NPR2: variants seen among roughly 807,000 people sequenced by gnomAD.
The protein encoded by NPR2 is natriuretic peptide receptor 2.
A neutral mutation model predicts 120.7 loss-of-function variants in NPR2; 49 were observed. The ratio of observed to expected loss-of-function variants is 0.41; its 90% CI spans 0.32 to 0.52. The LOEUF is 0.52. Among genes scored for constraint, NPR2 ranks in the 20% least tolerant of loss-of-function variants. NPR2 has a pLI of 0.36. For missense variants in NPR2, 931 were observed against 1,362.9 expected, an observed-to-expected ratio of 0.68 and a Z score of 4.99; for synonymous variants, 484 against 519.8, an observed-to-expected ratio of 0.93 and a Z score of 0.94.
chr9:35,795,538 G>A (rs1447818628), intron 2 of NPR2, among the ~76,000 whole-genome samples: 2 of 152,174 alleles, frequency 1.3e-5, no homozygotes, highest in Non-Finnish European at 2.9e-5. Context: ...GGTTTTATGT[G>A]GCTGTGATTA....
chr9:35,794,022 A>G lies in NPR2; in HGVS notation c.792A>G (p.Ala264=), dbSNP rs1277149392. The G allele has an allele frequency of 6.2e-7, 1 of 1,614,106 alleles. No homozygotes were observed. Among genetic ancestry groups the G allele is most frequent in the South Asian group, 1.1e-5 (1 of 91,088 alleles). ...ATGTCTTTGGGGAGAGTCTCCGTGC[A>G]GGCCCCACACGTGCTACAGGCCGGC... ...YLDVFGESLR[A]GPTRATGRPW... is the part of the protein sequence containing the mutation. Residue 264 remains alanine (A), a synonymous_variant, in exon 2 of 22, where the codon GCA becomes GCG. Coordinates refer to ENST00000342694, the MANE Select transcript of NPR2 (RefSeq NM_003995.4).
In NPR2 at chr9:35,792,928, C is replaced by T. The variant is rs748364573; in HGVS notation, c.520C>T (p.Arg174Cys). The T allele has an allele frequency of 1.2e-6, 2 of 1,614,062 alleles. No homozygotes were observed. The highest frequency in any genetic ancestry group is 1.1e-5 in the South Asian group (1 of 91,078). ...TGCTGCCTTGCTGTACCTGGATGCTCGCACAGATGACCGGCCTCACTACTT... is the reference window on the plus strand; with the variant it reads ...TGCTGCCTTGCTGTACCTGGATGCTTGCACAGATGACCGGCCTCACTACTT... ...ARAALLYLDA[R>C]TDDRPHYFTI... Residue 174 changes from arginine (R) to cysteine (C), a missense_variant, in exon 1 of 22, where the codon CGC (arginine) becomes TGC (cysteine). Physicochemically the swap from Arg to Cys is radical, Grantham distance 180. This residue lies in a region of NPR2 where 681 missense variants were observed against 974.3 expected (regional missense o/e 0.70). Coordinates refer to ENST00000342694, the MANE Select transcript of NPR2 (RefSeq NM_003995.4).
chr9:35,808,358 G>A lies in NPR2; in HGVS notation c.2713-151G>A, dbSNP rs752339133. On this transcript the variant is annotated intron_variant, in intron 18 of 21. Coordinates refer to ENST00000342694, the MANE Select transcript of NPR2 (RefSeq NM_003995.4). The surrounding 1 kb of genome is among the most constrained non-coding windows in gnomAD (Gnocchi z 4.0). ...TTCCCTAGACATCTCCTCTCCCCTA[G>A]ACTCAGGACCATGGCACTTATTTTC... 2 of 1,436,522 alleles carry A rather than the reference G, an allele frequency of 1.4e-6. No homozygotes were observed. Among genetic ancestry groups the A allele is most frequent in the East Asian group, 4.5e-5 (2 of 43,986 alleles). 89.0% of individuals were successfully genotyped at this position (1,436,522 alleles called of 1,614,324 possible).
chr9:35,806,446 C>T lies in NPR2; in HGVS notation c.2427C>T (p.Ala809=). 1 of 1,613,996 alleles carries T rather than the reference C, an allele frequency of 6.2e-7. No individual in the cohort carries two copies. The highest frequency in any genetic ancestry group is 8.5e-7 in the Non-Finnish European group (1 of 1,179,892). Residue 809 remains alanine, a synonymous_variant, in exon 16 of 22, where the codon GCC becomes GCT. Coordinates refer to ENST00000342694, the MANE Select transcript of NPR2 (RefSeq NM_003995.4). This position sits in a 1 kb window ranked among gnomAD's most constrained non-coding sequence, Gnocchi z 4.6. ...DNLLLRMEQY[A]NNLEKLVEER... is the part of the protein sequence containing the mutation. ...TCCTGCTGCGCATGGAACAGTATGC[C>T]AATAACTTGGAGAAGCTGGTGGAGG...
rs779262068 is a variant in NPR2, at chr9:35,807,018, C to T, written c.2520-5C>T. On this transcript the variant is annotated splice_polypyrimidine_tract_variant and splice_region_variant and intron_variant, in intron 16 of 21. Coordinates refer to ENST00000342694, the MANE Select transcript of NPR2 (RefSeq NM_003995.4). ...TTTGGCTCATACGGCACCCTTGCTT[C>T]CTAGTTCAGTGGCAGAGCAGTTAAA... The T allele has an allele frequency of 1.9e-6, 3 of 1,614,148 alleles. No homozygotes were observed. The highest frequency in any genetic ancestry group is 2.2e-5 in the East Asian group (1 of 44,884).
Position 35,809,438 on chromosome 9 carries a change from T to C in NPR2, c.3137T>C (p.Leu1046Pro). ...LLGERKGPPG[L>P]L ...GGAGAGCGGAAAGGACCTCCTGGACTCCTGTAAACCCCCATTCTTTCCAAG... is the reference window on the plus strand; with the variant it reads ...GGAGAGCGGAAAGGACCTCCTGGACCCCTGTAAACCCCCATTCTTTCCAAG... Residue 1046 changes from leucine (L) to proline (P), a missense_variant, in exon 22 of 22, where the codon CTC (leucine) becomes CCC (proline). Physicochemically the swap from Leu to Pro is moderately conservative, Grantham distance 98. This residue lies in a region of NPR2 where 184 missense variants were observed against 328.3 expected (regional missense o/e 0.56). Coordinates refer to ENST00000342694, the MANE Select transcript of NPR2 (RefSeq NM_003995.4). This position sits in a 1 kb window ranked among gnomAD's most constrained non-coding sequence, Gnocchi z 4.1. The C allele has an allele frequency of 6.2e-7, 1 of 1,614,214 alleles. No individual in the cohort carries two copies. The highest frequency in any genetic ancestry group is 2.2e-5 in the East Asian group (1 of 44,890).
intron 2 of NPR2, among the ~76,000 whole-genome samples, 178 bp from the exon 3 acceptor site, chr9:35,799,440 A>ACACACG (rs1828058297): frequency 6.6e-6 from 1 of 151,706 alleles, no homozygotes; most frequent in African/African-American, 2.4e-5. Context: ...ACACACACAC[A>ACACACG]CACACGCACA....
At chr9:35,799,841 C>T in intron 3 of NPR2, 110 bp downstream of exon 3, 1 of 1,366,734 alleles carries the variant, frequency 7.3e-7, no homozygotes, top group Non-Finnish European at 1.0e-6. Context: ...TTTGGGGGGT[C>T]TCCGCTTCTG....
At position 35,800,677 on chromosome 9, in the gene NPR2, G is replaced by C. The variant is rs771703896; in HGVS notation, c.1219-32G>C. On this transcript the variant is annotated intron_variant, in intron 5 of 21. Transcript: ENST00000342694. The surrounding 1 kb of genome is among the most constrained non-coding windows in gnomAD (Gnocchi z 4.7). ...CTGGGGAGGAGGCTGGTGGGAGCAG[G>C]CCTGTGGGCCCAGCTTTTTGCTTCC... is the stretch of plus-strand genomic sequence containing the variant. 5 of 1,614,006 alleles carry C rather than the reference G, an allele frequency of 3.1e-6. No individual in the cohort carries two copies. The highest frequency in any genetic ancestry group is 1.7e-4 in the Middle Eastern group (1 of 5,980).
chr9:35,801,045 C>T (rs1333289565), intron 6 of NPR2, 25 bp from the exon 7 acceptor site: 2 of 1,603,170 alleles, frequency 1.2e-6, no homozygotes, highest in Admixed American at 1.7e-5. Flanking sequence ...CACAGTCTTC[C>T]TCAGGGTCTC....
chr9:35,809,059 G>A lies in NPR2; in HGVS notation c.2987-97G>A. ...TATGCATTGGGAGCTTCCCAGGGAT[G>A]GTTGGTCGGGCACGGTGCTATACAG... On this transcript the variant is annotated intron_variant, in intron 20 of 21. Coordinates refer to ENST00000342694, the MANE Select transcript of NPR2 (RefSeq NM_003995.4). This position sits in a 1 kb window ranked among gnomAD's most constrained non-coding sequence, Gnocchi z 4.1. 1 of 1,218,872 alleles carries A rather than the reference G, an allele frequency of 8.2e-7. No individual in the cohort carries two copies. The highest frequency in any genetic ancestry group is 1.2e-5 in the South Asian group (1 of 83,126). 75.5% of individuals were successfully genotyped at this position (1,218,872 alleles called of 1,614,324 possible). A position where few individuals can be genotyped will look rare whatever the true frequency, so the allele number is the denominator to read the frequency against.
chr9:35,801,785 T>C, intron 8 of NPR2, 22 bp downstream of exon 8: 1 of 1,614,160 alleles, frequency 6.2e-7, no homozygotes, highest in East Asian at 2.2e-5. Flanking sequence ...TCTCAGCTGT[T>C]CCTCTGCCTC....
At position 35,806,788 on chromosome 9, in the gene NPR2, C is replaced by T. The variant is rs1326181332; in HGVS notation, c.2520-235C>T. 1.3e-5 allele frequency among the ~76,000 whole-genome samples: 2 copies of T among 152,348 alleles called. No homozygotes were observed. Among genetic ancestry groups the T allele is most frequent in the East Asian group, 1.9e-4 (1 of 5,180 alleles). On this transcript the variant is annotated intron_variant, in intron 16 of 21. Transcript: ENST00000342694. The surrounding 1 kb of genome is among the most constrained non-coding windows in gnomAD (Gnocchi z 4.6). ...CTTGCTTCAGCAAGTGTATGTAAAA[C>T]AGTCCCAACTTGAGACAGCTCCCAT...
rs545653281 is a variant in NPR2, at chr9:35,798,276, T to C, written c.874-1342T>C. ...TTTACATTGCTTGTCAACAATATTC[T>C]ACCTCTTTATTTTATTCTTGGAACA... On this transcript the variant is annotated intron_variant, in intron 2 of 21. Coordinates refer to ENST00000342694, the MANE Select transcript of NPR2 (RefSeq NM_003995.4). Among the ~76,000 whole-genome samples, 3 of 152,352 alleles carry C rather than the reference T, an allele frequency of 2.0e-5. No individual in the cohort carries two copies. In the South Asian group the frequency reaches 6.2e-4, roughly 32 times the overall value.
intron 2 of NPR2, among the ~76,000 whole-genome samples, chr9:35,795,226 G>A (rs2132070732): frequency 6.6e-6 from 1 of 152,204 alleles, no homozygotes; most frequent in South Asian, 2.1e-4. Flanking sequence ...CCCAACCCCA[G>A]GGCCTTCCTG....
rs1277940364 is a variant in NPR2, at chr9:35,805,629, G to A, written c.2006G>A (p.Arg669Gln). 2 of 1,614,026 alleles carry A rather than the reference G, an allele frequency of 1.2e-6. No individual in the cohort carries two copies. Among genetic ancestry groups the A allele is most frequent in the South Asian group, 1.1e-5 (1 of 91,066 alleles). The stretch of plus-strand genomic sequence containing the variant: ...ACAGACTATGGCCTGGCCAGCTTCC[G>A]ATCAACTGCTGAACCTGATGACAGC... ...KITDYGLASF[R>Q]STAEPDDSHA... is the part of the protein sequence containing the mutation. The change falls in exon 13 of 22, where the codon CGA becomes CAA. Residue 669 changes from arginine (R) to glutamine (Q), a missense_variant. By Grantham distance (43) the Arg-to-Gln change is conservative (BLOSUM62 1). Coordinates refer to ENST00000342694, the MANE Select transcript of NPR2 (RefSeq NM_003995.4). The surrounding 1 kb of genome is among the most constrained non-coding windows in gnomAD (Gnocchi z 4.9).
rs1828321267 is a variant in NPR2, at chr9:35,805,212, A to G, written c.1888-299A>G. Reference sequence around the variant, plus strand: ...CCAAGTTCTGTTCTCTTCACTAATCAAGAAGATTGACTGCCCTCTCCAGGG... The same window carrying G: ...CCAAGTTCTGTTCTCTTCACTAATCGAGAAGATTGACTGCCCTCTCCAGGG... On this transcript the variant is annotated intron_variant, in intron 12 of 21. Coordinates refer to ENST00000342694, the MANE Select transcript of NPR2 (RefSeq NM_003995.4). This position sits in a 1 kb window ranked among gnomAD's most constrained non-coding sequence, Gnocchi z 4.9. 6.6e-6 allele frequency among the ~76,000 whole-genome samples: 1 copy of G among 152,138 alleles called. No individual in the cohort carries two copies. The highest frequency in any genetic ancestry group is 1.5e-5 in the Non-Finnish European group (1 of 68,024).
Position 35,800,631 on chromosome 9 carries a change from A to G in NPR2, c.1219-78A>G. 5.0e-6 allele frequency: 8 copies of G among 1,610,904 alleles called. No homozygotes were observed. The highest frequency in any genetic ancestry group is 1.3e-5 in the African/African-American group (1 of 74,918). On this transcript the variant is annotated intron_variant, in intron 5 of 21. Coordinates refer to ENST00000342694, the MANE Select transcript of NPR2 (RefSeq NM_003995.4). This position sits in a 1 kb window ranked among gnomAD's most constrained non-coding sequence, Gnocchi z 4.7. Reference sequence around the variant, plus strand: ...TGGCTGGGTGGTAGGCTGGGGAGAAAAGCAGCGAAACAGCTGGGGTCTGGG... The same window carrying G: ...TGGCTGGGTGGTAGGCTGGGGAGAAGAGCAGCGAAACAGCTGGGGTCTGGG...
intron 12 of NPR2, among the ~76,000 whole-genome samples, chr9:35,804,969 G>C (rs1424590042): frequency 8.1e-6 from 1 of 122,712 alleles, no homozygotes; most frequent in African/African-American, 3.1e-5. Flanking sequence ...AGTAGATCTT[G>C]TTCCTCCTCT....
Sources: allele counts gnomAD v4.1 joint callset (sites outside exome capture counted in the v4.1 genomes callset), GRCh38; gene constraint gnomAD v4.1.1; regional missense constraint gnomAD v4.1.1; non-coding constraint Gnocchi (gnomAD v3.1); transcripts MANE v1.5; gene names NCBI Gene and HGNC (gene_info 2026-07-23, HGNC 2026-07-21).